GNA11: variants seen among roughly 807,000 people sequenced by gnomAD.
GNA11 encodes the protein G protein subunit alpha 11, also known as guanine nucleotide-binding protein subunit alpha-11.
Under a neutral mutation model 38.2 loss-of-function variants are expected in GNA11, and 8 were observed. The observed-to-expected ratio is 0.21, with a 90% CI of 0.12 to 0.38. The LOEUF is 0.38. Among genes scored for constraint, GNA11 ranks in the 10% least tolerant of loss-of-function variants. The pLI is 1.00. For missense variants in GNA11, 268 were observed against 516.3 expected, an observed-to-expected ratio of 0.52 and a Z score of 4.66; for synonymous variants, 211 against 221.4, an observed-to-expected ratio of 0.95 and a Z score of 0.42.
At chr19:3,104,736 G>T (rs1291019397) in intron 1 of GNA11, among the ~76,000 whole-genome samples, 1 of 152,124 alleles carries the variant, frequency 6.6e-6, no homozygotes, top group Non-Finnish European at 1.5e-5. Context: ...CAGCCCCTGC[G>T]CTCAGGAAGC....
At position 3,121,095 on chromosome 19, in the gene GNA11, C is replaced by T. The variant is rs894185941; in HGVS notation, c.996C>T (p.Thr332=). ...KIIYSHFTCA[T]DTENIRFVFA... The stretch of plus-strand genomic sequence containing the variant: ...TCTACTCACACTTCACGTGTGCCAC[C>T]GACACGGAGAACATCCGCTTCGTGT... Residue 332 remains threonine (T), a synonymous_variant, in exon 7 of 7, where the codon ACC becomes ACT. Coordinates refer to ENST00000078429, the MANE Select transcript of GNA11 (RefSeq NM_002067.5). 2.6e-5 allele frequency: 42 copies of T among 1,613,592 alleles called. No individual in the cohort carries two copies. Among genetic ancestry groups the T allele is most frequent in the Non-Finnish European group, 3.3e-5 (39 of 1,179,744 alleles).
At position 3,123,233 on chromosome 19, in the gene GNA11, G is replaced by T. The variant is rs1914131023; in HGVS notation, c.*2054G>T. Reference sequence around the variant, plus strand: ...GGAGTCGCCCAGCACGCAGGCCGGGGCGCTGCGGGGCTAAGTATTAGGCCT... The same window carrying T: ...GGAGTCGCCCAGCACGCAGGCCGGGTCGCTGCGGGGCTAAGTATTAGGCCT... On this transcript the variant is annotated 3_prime_UTR_variant, in exon 7 of 7. Coordinates refer to ENST00000078429, the MANE Select transcript of GNA11 (RefSeq NM_002067.5). 4.3e-6 allele frequency: 1 copy of T among 233,242 alleles called. No individual in the cohort carries two copies. Among genetic ancestry groups the T allele is most frequent in the African/African-American group, 2.2e-5 (1 of 45,360 alleles). 14.4% of individuals were successfully genotyped at this position (233,242 alleles called of 1,614,324 possible). A position where few individuals can be genotyped will look rare whatever the true frequency, so the allele number is the denominator to read the frequency against.
Position 3,094,933 on chromosome 19 carries a change from G to T in GNA11, c.136+146G>T, listed in dbSNP as rs936613492. 7.7e-6 allele frequency: 4 copies of T among 518,382 alleles called. No homozygotes were observed. Among genetic ancestry groups the T allele is most frequent in the Non-Finnish European group, 9.7e-6 (3 of 308,194 alleles). 32.1% of individuals were successfully genotyped at this position (518,382 alleles called of 1,614,324 possible). ...ACCCTCCGGGGTCAGCCCTGCCTGT[G>T]CCTTCCCTGCCTGTCCGGGTCGCGG... On this transcript the variant is annotated intron_variant, in intron 1 of 6. Coordinates refer to ENST00000078429, the MANE Select transcript of GNA11 (RefSeq NM_002067.5). This position sits in a 1 kb window ranked among gnomAD's most constrained non-coding sequence, Gnocchi z 6.0.
At chr19:3,105,756 G>A (rs973967183) in intron 1 of GNA11, among the ~76,000 whole-genome samples, 1 of 152,232 alleles carries the variant, frequency 6.6e-6, no homozygotes, top group African/African-American at 2.4e-5. Context: ...GCAGCGGTCT[G>A]TGCGTGGGGT....
chr19:3,115,785 AGG>A (rs35481055), intron 4 of GNA11, among the ~76,000 whole-genome samples: 1 of 5,212 alleles, frequency 1.9e-4, no homozygotes, highest in African/African-American at 1.1e-3. Context: ...CTGTGAGGGG[AGG>A]GGGGGGGTCA....
rs775732619 is a variant in GNA11 at position 3,120,979 on chromosome 19, C to T, written c.890-10C>T. 3.7e-6 allele frequency: 6 copies of T among 1,602,198 alleles called. No homozygotes were observed. In the South Asian group the frequency reaches 4.5e-5, roughly 12 times the overall value. On this transcript the variant is annotated splice_polypyrimidine_tract_variant and intron_variant, in intron 6 of 6. Transcript: ENST00000078429. The surrounding 1 kb of genome is among the most constrained non-coding windows in gnomAD (Gnocchi z 5.9). ...GCTGGGGCACAGCCTCACCCTCTGC[C>T]CTCCCCCAGGTCCCCAGCGGGACGC... is the stretch of plus-strand genomic sequence containing the variant.
At chr19:3,118,057 CA>C in intron 4 of GNA11, 1 of 152,238 alleles carries the variant, frequency 6.6e-6, no homozygotes, top group Non-Finnish European at 1.5e-5. Flanking sequence ...ATCTGTCATC[CA>C]CCGGTGCCTG....
intron 1 of GNA11, among the ~76,000 whole-genome samples, chr19:3,095,603 C>T (rs1320825092): frequency 1.3e-5 from 2 of 152,004 alleles, no homozygotes; most frequent in African/African-American, 4.8e-5. Flanking sequence ...CTTCCTGTTC[C>T]GGGAAACCCC....
chr19:3,107,893 G>A (rs539946035), intron 1 of GNA11, among the ~76,000 whole-genome samples: 49 of 152,288 alleles, frequency 3.2e-4, no homozygotes, highest in African/African-American at 1.1e-3. Flanking sequence ...GCGTGTGGGG[G>A]TCCCTCTGGG....
intron 3 of GNA11, among the ~76,000 whole-genome samples, chr19:3,113,985 G>GGTGGCCGGGCC (rs1163268703): frequency 6.6e-6 from 1 of 152,200 alleles, no homozygotes; most frequent in Non-Finnish European, 1.5e-5. Context: ...TGTGCTGACA[G>GGTGGCCGGGCC]GTGGCCGGGC....
Position 3,121,754 on chromosome 19 carries a change from A to G in GNA11, c.*575A>G, listed in dbSNP as rs1053257010. The G allele has an allele frequency of 2.6e-5, 6 of 231,978 alleles. No homozygotes were observed. The highest frequency in any genetic ancestry group is 4.3e-5 in the Non-Finnish European group (5 of 117,358). 14.4% of individuals were successfully genotyped at this position (231,978 alleles called of 1,614,324 possible). ...CCCAGCGCGCCTCGCCTCTTCACCC[A>G]TCAACGCTGTGCTTTGCCCACTGGA... is the stretch of plus-strand genomic sequence containing the variant. On this transcript the variant is annotated 3_prime_UTR_variant, in exon 7 of 7. Coordinates refer to ENST00000078429, the MANE Select transcript of GNA11 (RefSeq NM_002067.5).
At chr19:3,097,142 C>T (rs1893778022) in intron 1 of GNA11, among the ~76,000 whole-genome samples, 4 of 152,156 alleles carry the variant, frequency 2.6e-5, no homozygotes, top group Admixed American at 1.3e-4. Context: ...CGATTGCCCC[C>T]GTTTTTCAGG....
chr19:3,115,148 G>C (rs1015602069), intron 4 of GNA11, 76 bp downstream of exon 4: 3 of 1,508,896 alleles, frequency 2.0e-6, no homozygotes, highest in African/African-American at 2.7e-5. Context: ...TCATGCCTGC[G>C]CACCCAGTGC....
chr19:3,111,817 C>G (rs1913781998), intron 2 of GNA11, among the ~76,000 whole-genome samples: 1 of 152,174 alleles, frequency 6.6e-6, no homozygotes, highest in African/African-American at 2.4e-5. Context: ...AGTGGCCTCC[C>G]TGGGGCCTTT....
chr19:3,099,617 C>G (rs1913453922), intron 1 of GNA11, among the ~76,000 whole-genome samples: 1 of 152,130 alleles, frequency 6.6e-6, no homozygotes, highest in African/African-American at 2.4e-5. Context: ...GATCCAGACT[C>G]TCGCTGTCAT....
chr19:3,105,408 A>AG (rs1047534533), intron 1 of GNA11, among the ~76,000 whole-genome samples: 12 of 18,980 alleles, frequency 6.3e-4, no homozygotes, highest in East Asian at 1.6e-3. Flanking sequence ...GTTGGGGGGA[A>AG]GGGGGGGTTG....
intron 3 of GNA11, among the ~76,000 whole-genome samples, 181 bp from the exon 4 acceptor site, chr19:3,114,763 G>A (rs1264233428): frequency 4.6e-5 from 7 of 152,140 alleles, no homozygotes; most frequent in South Asian, 2.1e-4. Flanking sequence ...CTCGTATCCC[G>A]ACCCCAGGGT....
chr19:3,120,434 G>A lies in GNA11; in HGVS notation c.890-555G>A, dbSNP rs1914039930. ...ACACCCCCAGGGGCCTTTCCACCGG[G>A]GCAGGCAGGAGTTACTGGGCGGGTC... On this transcript the variant is annotated intron_variant, in intron 6 of 6. Transcript: ENST00000078429. This position sits in a 1 kb window ranked among gnomAD's most constrained non-coding sequence, Gnocchi z 5.9. Among the ~76,000 whole-genome samples the A allele has an allele frequency of 6.6e-6, 1 of 152,102 alleles. No individual in the cohort carries two copies. Among genetic ancestry groups the A allele is most frequent in the African/African-American group, 2.4e-5 (1 of 41,436 alleles).
Position 3,119,036 on chromosome 19 carries a change from G to A in GNA11, c.718G>A (p.Val240Met), listed in dbSNP as rs766046727. 2 of 1,613,912 alleles carry A rather than the reference G, an allele frequency of 1.2e-6. No individual in the cohort carries two copies. The highest frequency in any genetic ancestry group is 1.1e-5 in the South Asian group (1 of 91,086). The change falls in exon 5 of 7, where the codon GTG becomes ATG. Residue 240 changes from valine to methionine, a missense_variant. Val to Met is a conservative substitution (Grantham distance 21). Around this residue, in one of 3 missense-constraint regions of GNA11, gnomAD observed 92 missense variants for 166.7 expected, o/e 0.55. Coordinates refer to ENST00000078429, the MANE Select transcript of GNA11 (RefSeq NM_002067.5). This position sits in a 1 kb window ranked among gnomAD's most constrained non-coding sequence, Gnocchi z 4.6. ...CCTCAGCGAATACGACCAAGTCCTG[G>A]TGGAGTCGGACAACGAGGTGGGCCC... ...VALSEYDQVL[V>M]ESDNENRMEE...
Sources: gnomAD v4.1 joint callset for allele counts (sites outside exome capture counted in the v4.1 genomes callset) on GRCh38, gnomAD v4.1.1 for gene constraint, gnomAD v4.1.1 regional missense constraint, Gnocchi (gnomAD v3.1) non-coding constraint, MANE v1.5 for transcripts, NCBI Gene and HGNC (gene_info 2026-07-23, HGNC 2026-07-21) for gene names.